The following MAP4K5 variants were observed in gnomAD, a reference collection of about 807,000 sequenced individuals.
MAP4K5 encodes the protein mitogen-activated protein kinase kinase kinase kinase 5, also known as MAPK/ERK kinase kinase kinase 5.
In MAP4K5, 82 loss-of-function variants were observed where a neutral mutation model predicts 135.6. The ratio of observed to expected loss-of-function variants is 0.60; its 90% CI spans 0.51 to 0.73. The LOEUF is 0.73. Among genes scored for constraint, MAP4K5 ranks in the 30% least tolerant of loss-of-function variants. The pLI, the probability that MAP4K5 is intolerant of heterozygous loss-of-function variation, is 0.00. For synonymous variants in MAP4K5, 347 were observed against 335.0 expected (o/e 1.04, Z -0.39); for missense variants, 907 against 1,010.9 (o/e 0.90, Z 1.39).
intron 2 of MAP4K5, chr14:50,542,431 G>C (rs1443784728): frequency 2.6e-5 from 4 of 152,038 alleles, no homozygotes; most frequent in Non-Finnish European, 4.4e-5. Flanking sequence ...TGCACATTCT[G>C]TACAGGTATC....
At chr14:50,441,111 A>G (rs1268754227) in intron 21 of MAP4K5, among the ~76,000 whole-genome samples, 1 of 152,224 alleles carries the variant, frequency 6.6e-6, no homozygotes, top group Non-Finnish European at 1.5e-5. Context: ...TTAAACTGAT[A>G]TAAATAAACG....
At chr14:50,525,466 C>CG (rs1355526151) in intron 2 of MAP4K5, among the ~76,000 whole-genome samples, 9 of 152,224 alleles carry the variant, frequency 5.9e-5, no homozygotes, top group Non-Finnish European at 1.3e-4. Flanking sequence ...CCGGATTATT[C>CG]GGGAACTGGT....
chr14:50,473,521 T>C (rs1469073848), intron 9 of MAP4K5, among the ~76,000 whole-genome samples: 2 of 152,166 alleles, frequency 1.3e-5, no homozygotes, highest in Admixed American at 6.5e-5. Context: ...TAAACCTAGT[T>C]TGGCATATTT....
intron 28 of MAP4K5, among the ~76,000 whole-genome samples, chr14:50,429,720 A>G (rs187818029): frequency 1.3e-5 from 2 of 152,322 alleles, no homozygotes; most frequent in Admixed American, 1.3e-4. Flanking sequence ...AATCTATAGT[A>G]AGACAGAAAT....
chr14:50,454,221 T>C (rs1446195096), intron 14 of MAP4K5, among the ~76,000 whole-genome samples: 2 of 152,170 alleles, frequency 1.3e-5, no homozygotes, highest in African/African-American at 4.8e-5. Flanking sequence ...AAAGCCAGTT[T>C]ATGTGACAGA....
intron 14 of MAP4K5, among the ~76,000 whole-genome samples, chr14:50,454,463 C>T (rs1331481775): frequency 6.6e-6 from 1 of 151,948 alleles, no homozygotes; most frequent in Admixed American, 6.6e-5. Flanking sequence ...ATTTAAAACA[C>T]TGAAACAAAA....
chr14:50,530,219 G>C (rs1327409790), intron 2 of MAP4K5, among the ~76,000 whole-genome samples: 1 of 152,142 alleles, frequency 6.6e-6, no homozygotes, highest in Non-Finnish European at 1.5e-5. Context: ...TTCTGTTTGG[G>C]AACTGCAGAA....
At chr14:50,438,677 A>G (rs1335461660) in intron 23 of MAP4K5, among the ~76,000 whole-genome samples, 1 of 152,150 alleles carries the variant, frequency 6.6e-6, no homozygotes, top group East Asian at 1.9e-4. Flanking sequence ...TTTTATTATT[A>G]GAAAACATAC....
At position 50,456,568 on chromosome 14, in the gene MAP4K5, A is replaced by G; in HGVS notation, c.963T>C (p.Ile321=). The change falls in exon 14 of 33, where the codon ATT becomes ATC. Residue 321 remains isoleucine, a synonymous_variant. Transcript: ENST00000682126. The part of the protein sequence containing the change: ...FEPHAIIRHT[I]RSTNRNARAE... ...CTCTGGCATTCCTGTTTGTAGATCT[A>G]ATGGTATGACGAATGATTGCATGGG... 1 of 1,577,146 alleles carries G rather than the reference A, an allele frequency of 6.3e-7. No homozygotes were observed. The highest frequency in any genetic ancestry group is 1.8e-5 in the Admixed American group (1 of 54,472).
chr14:50,446,465 C>T (rs767575604), intron 16 of MAP4K5, among the ~76,000 whole-genome samples: 4 of 152,188 alleles, frequency 2.6e-5, no homozygotes, highest in Non-Finnish European at 4.4e-5. Flanking sequence ...GGTATATCAT[C>T]AAACCTTTTG....
intron 6 of MAP4K5, among the ~76,000 whole-genome samples, chr14:50,478,588 TATTTCAG>T (rs1173507772): frequency 1.3e-5 from 2 of 152,160 alleles, no homozygotes; most frequent in Non-Finnish European, 2.9e-5. Context: ...GGACCAGACA[TATTTCAG>T]ATTTCAGATT....
chr14:50,485,051 A>T (rs1481663683), intron 5 of MAP4K5, among the ~76,000 whole-genome samples: 1 of 152,168 alleles, frequency 6.6e-6, no homozygotes, highest in East Asian at 1.9e-4. Flanking sequence ...AAAGCTAAAC[A>T]GTAGAGCCAA....
At chr14:50,556,597 A>G (rs960706109) in intron 1 of MAP4K5, among the ~76,000 whole-genome samples, 4 of 152,142 alleles carry the variant, frequency 2.6e-5, no homozygotes, top group African/African-American at 9.7e-5. Context: ...CATTGCCCCC[A>G]AAAGAAACCT....
At chr14:50,445,493 G>A (rs1005123413) in intron 17 of MAP4K5, among the ~76,000 whole-genome samples, 46 of 152,254 alleles carry the variant, frequency 3.0e-4, no homozygotes, top group African/African-American at 1.1e-3. Context: ...TCATAAGAAT[G>A]ATAAATGATG....
intron 16 of MAP4K5, among the ~76,000 whole-genome samples, chr14:50,446,389 C>G (rs1383320843): frequency 2.0e-5 from 3 of 152,146 alleles, no homozygotes; most frequent in African/African-American, 7.2e-5. Context: ...GTAATAAAAA[C>G]TAAGTTAACT....
intron 2 of MAP4K5, among the ~76,000 whole-genome samples, chr14:50,506,188 A>T (rs1411546922): frequency 6.6e-6 from 1 of 152,214 alleles, no homozygotes; most frequent in Non-Finnish European, 1.5e-5. Context: ...TTTTCTGAGG[A>T]AAGAAGAGAA....
At chr14:50,509,256 T>C (rs973366391) in intron 2 of MAP4K5, among the ~76,000 whole-genome samples, 1 of 152,016 alleles carries the variant, frequency 6.6e-6, no homozygotes, top group Admixed American at 6.6e-5. Flanking sequence ...GGGGGAGGGA[T>C]AGCATTAGGA....
intron 6 of MAP4K5, 26 bp from the exon 7 acceptor site, chr14:50,476,332 G>C: frequency 1.1e-6 from 1 of 940,434 alleles, no homozygotes; most frequent in Admixed American, 3.7e-5. Flanking sequence ...AAAAAAAAAA[G>C]AATGTATCAG....
chr14:50,428,156 T>C (rs2035886523), intron 30 of MAP4K5, among the ~76,000 whole-genome samples: 1 of 152,234 alleles, frequency 6.6e-6, no homozygotes, highest in Admixed American at 6.5e-5. Context: ...ACATTAAAAT[T>C]TGAATTAAAA....
Sources: gnomAD v4.1 joint callset for allele counts (sites outside exome capture counted in the v4.1 genomes callset) on GRCh38, gnomAD v4.1.1 for gene constraint, MANE v1.5 for transcripts, NCBI Gene and HGNC (gene_info 2026-07-23, HGNC 2026-07-21) for gene names.